The following WWOX variants were observed in gnomAD, a reference collection of about 807,000 sequenced individuals.
WWOX encodes WW domain containing oxidoreductase.
WWOX carries 69 observed loss-of-function variants against 46.2 expected under a neutral mutation model. That is an observed-to-expected ratio of 1.49 (90% CI 1.23 to 1.82). The LOEUF (loss-of-function observed/expected upper bound fraction) is 1.82, where lower values mean the gene tolerates loss of function less well. WWOX is among the 40% of genes most tolerant of loss of function. The pLI is 0.00. For missense variants in WWOX, 919 were observed against 542.6 expected, an observed-to-expected ratio of 1.69 and a Z score of -6.89; for synonymous variants, 359 against 202.6, an observed-to-expected ratio of 1.77 and a Z score of -6.56.
At chr16:78,365,714 T>C (rs1346521136) in intron 5 of WWOX, among the ~76,000 whole-genome samples, 1 of 152,210 alleles carries the variant, frequency 6.6e-6, no homozygotes, top group African/African-American at 2.4e-5. Flanking sequence ...TTAGTAACTT[T>C]TCTGTAAGCA....
chr16:78,499,857 G>A (rs1318754173), intron 8 of WWOX, among the ~76,000 whole-genome samples: 1 of 152,126 alleles, frequency 6.6e-6, no homozygotes, highest in African/African-American at 2.4e-5. Context: ...TCATGCCATG[G>A]ACCCCTCCCT....
intron 8 of WWOX, among the ~76,000 whole-genome samples, chr16:79,183,701 C>G (rs2050957517): frequency 6.6e-6 from 1 of 152,188 alleles, no homozygotes; most frequent in Admixed American, 6.5e-5. Context: ...ATTTAATACC[C>G]ATTACCTACG....
chr16:78,937,254 G>C (rs796255475), intron 8 of WWOX, among the ~76,000 whole-genome samples: 4 of 152,216 alleles, frequency 2.6e-5, no homozygotes, highest in African/African-American at 9.6e-5. Context: ...TTACCTGAAA[G>C]TGACCCAAAT....
At chr16:78,852,406 C>T (rs563696771) in intron 8 of WWOX, among the ~76,000 whole-genome samples, 1 of 152,154 alleles carries the variant, frequency 6.6e-6, no homozygotes, top group African/African-American at 2.4e-5. Flanking sequence ...CACCATGTTG[C>T]GAGGATACTC....
At chr16:78,546,208 T>C (rs1453015421) in intron 8 of WWOX, among the ~76,000 whole-genome samples, 1 of 152,168 alleles carries the variant, frequency 6.6e-6, no homozygotes, top group African/African-American at 2.4e-5. Flanking sequence ...TTAGAACAGA[T>C]GACTCTAACC....
intron 2 of WWOX, among the ~76,000 whole-genome samples, 198 bp from the exon 3 acceptor site, chr16:78,109,580 T>C (rs1890046609): frequency 6.6e-6 from 1 of 151,610 alleles, no homozygotes; most frequent in African/African-American, 2.4e-5. Flanking sequence ...GAGGCAAAAA[T>C]GTGGAGCCCA....
chr16:79,183,318 C>A (rs949205165), intron 8 of WWOX, among the ~76,000 whole-genome samples: 4 of 152,290 alleles, frequency 2.6e-5, no homozygotes, highest in Admixed American at 2.6e-4. Flanking sequence ...AGTCTTTGTC[C>A]TCCCAGAAGG....
chr16:78,664,614 A>G (rs1043446425), intron 8 of WWOX, among the ~76,000 whole-genome samples: 6 of 152,086 alleles, frequency 3.9e-5, no homozygotes, highest in African/African-American at 1.4e-4. Flanking sequence ...ATGTTTTATG[A>G]TTTTCCCTTT....
Position 78,601,618 on chromosome 16 carries a change from C to G in WWOX, c.1056+168866C>G, listed in dbSNP as rs144812550. ...ACCCGTGGTGTAAAATATATACTTT[C>G]TAATGTAAATCAAGAAGCTATGAAT... On this transcript the variant is annotated intron_variant, in intron 8 of 8. Coordinates refer to ENST00000566780, the MANE Select transcript of WWOX (RefSeq NM_016373.4). Among the ~76,000 whole-genome samples the G allele has an allele frequency of 1.6e-3, 251 of 152,162 alleles. 1 individual carries two copies. The highest frequency in any genetic ancestry group is 5.8e-3 in the African/African-American group (242 of 41,496).
intron 8 of WWOX, among the ~76,000 whole-genome samples, chr16:78,969,597 CTCT>C (rs1296109379): frequency 6.6e-6 from 1 of 152,196 alleles, no homozygotes; most frequent in Admixed American, 6.5e-5. Context: ...AACAGTTCCT[CTCT>C]TCTTTGTTGC....
chr16:78,897,535 G>C (rs1481426306), intron 8 of WWOX: 2 of 152,112 alleles, frequency 1.3e-5, no homozygotes, highest in Non-Finnish European at 2.9e-5. Context: ...ATAGTATCCT[G>C]TGGTGAAAAT....
intron 8 of WWOX, among the ~76,000 whole-genome samples, chr16:78,830,065 C>G (rs555427895): frequency 2.0e-5 from 3 of 151,974 alleles, no homozygotes; most frequent in South Asian, 4.2e-4. Flanking sequence ...CAAGACCAGC[C>G]TGGGTAACAT....
At chr16:78,845,236 T>G (rs1304632525) in intron 8 of WWOX, among the ~76,000 whole-genome samples, 2 of 151,740 alleles carry the variant, frequency 1.3e-5, no homozygotes, top group Non-Finnish European at 2.9e-5. Flanking sequence ...CCTATTAGTC[T>G]GCTATTGTGG....
At chr16:78,759,311 G>T (rs1288549417) in intron 8 of WWOX, among the ~76,000 whole-genome samples, 1 of 152,168 alleles carries the variant, frequency 6.6e-6, no homozygotes, top group African/African-American at 2.4e-5. Context: ...AAATGAATTC[G>T]TAAGTGTGCA....
intron 8 of WWOX, among the ~76,000 whole-genome samples, chr16:78,694,957 A>G (rs2048068246): frequency 6.6e-6 from 1 of 152,154 alleles, no homozygotes; most frequent in African/African-American, 2.4e-5. Context: ...AATATTTCCC[A>G]GCCAGTCTTA....
At chr16:79,003,077 A>G (rs2047125052) in intron 8 of WWOX, among the ~76,000 whole-genome samples, 2 of 151,916 alleles carry the variant, frequency 1.3e-5, no homozygotes, top group African/African-American at 2.4e-5. Context: ...TTCAGACCCC[A>G]CTCTTCCCCC....
intron 8 of WWOX, among the ~76,000 whole-genome samples, chr16:79,054,541 G>A (rs1010827866): frequency 6.6e-6 from 1 of 152,150 alleles, no homozygotes; most frequent in Non-Finnish European, 1.5e-5. Context: ...AGAGTGATGG[G>A]TCTGGTACAG....
chr16:78,834,604 C>A (rs530751246), intron 8 of WWOX, among the ~76,000 whole-genome samples: 17 of 152,224 alleles, frequency 1.1e-4, no homozygotes, highest in African/African-American at 4.1e-4. Context: ...GAAAGTACAG[C>A]GTAGTTTGTT....
chr16:78,310,102 C>T (rs953053751), intron 5 of WWOX, among the ~76,000 whole-genome samples: 1 of 151,936 alleles, frequency 6.6e-6, no homozygotes, highest in Non-Finnish European at 1.5e-5. Flanking sequence ...TATCATCATC[C>T]ATAGCTCTCT....
Sources: allele counts gnomAD v4.1 joint callset (sites outside exome capture counted in the v4.1 genomes callset), GRCh38; gene constraint gnomAD v4.1.1; transcripts MANE v1.5; gene names NCBI Gene and HGNC (gene_info 2026-07-23, HGNC 2026-07-21).